The following NOVA1 variants were observed in gnomAD, a reference collection of about 807,000 sequenced individuals.
NOVA1 encodes the protein RNA-binding protein Nova-1.
NOVA1 carries 7 observed loss-of-function variants against 38.0 expected under a neutral mutation model. The observed-to-expected ratio is 0.18, with a 90% CI of 0.10 to 0.35. NOVA1 has a LOEUF of 0.35. Among genes scored for constraint, NOVA1 ranks in the 10% least tolerant of loss-of-function variants. NOVA1 has a pLI of 1.00. For missense variants in NOVA1, 460 were observed against 616.0 expected, an observed-to-expected ratio of 0.75 and a Z score of 2.68; for synonymous variants, 270 against 232.5, an observed-to-expected ratio of 1.16 and a Z score of -1.47.
intron 2 of NOVA1, among the ~76,000 whole-genome samples, chr14:26,514,027 A>C (rs1044285343): frequency 6.6e-6 from 1 of 151,794 alleles, no homozygotes; most frequent in Non-Finnish European, 1.5e-5. Context: ...AGAGAATTAA[A>C]TGTTAAAAGA....
At chr14:26,509,274 T>A (rs1375088220) in intron 2 of NOVA1, among the ~76,000 whole-genome samples, 1 of 152,058 alleles carries the variant, frequency 6.6e-6, no homozygotes, top group African/African-American at 2.4e-5. Flanking sequence ...AACCAGAGTA[T>A]GGAATAATCA....
intron 2 of NOVA1, among the ~76,000 whole-genome samples, chr14:26,591,819 T>C (rs1355196097): frequency 6.6e-6 from 1 of 151,566 alleles, no homozygotes; most frequent in Non-Finnish European, 1.5e-5. Context: ...TTTGTGTTTT[T>C]TTTAAAAAAG....
chr14:26,538,628 A>T (rs938684729), intron 2 of NOVA1, among the ~76,000 whole-genome samples: 1 of 152,130 alleles, frequency 6.6e-6, no homozygotes, highest in Non-Finnish European at 1.5e-5. Context: ...ACACCAAGAC[A>T]CCATAATTTC....
chr14:26,462,767 A>G (rs1883790857), intron 4 of NOVA1, among the ~76,000 whole-genome samples: 1 of 152,162 alleles, frequency 6.6e-6, no homozygotes, highest in South Asian at 2.1e-4. Context: ...TCAAGACGCC[A>G]AGTAGCTTTA....
intron 2 of NOVA1, among the ~76,000 whole-genome samples, chr14:26,503,663 A>T (rs1306433628): frequency 6.6e-6 from 1 of 152,124 alleles, no homozygotes; most frequent in Non-Finnish European, 1.5e-5. Context: ...CAATTAGAAA[A>T]GTATACAGTT....
chr14:26,507,412 T>TATTA (rs1409841160), intron 2 of NOVA1, among the ~76,000 whole-genome samples: 1 of 152,180 alleles, frequency 6.6e-6, no homozygotes. Flanking sequence ...CTACTTTATA[T>TATTA]ATTAATGTGG....
At chr14:26,475,658 G>A (rs1309543733) in intron 3 of NOVA1, among the ~76,000 whole-genome samples, 2 of 152,178 alleles carry the variant, frequency 1.3e-5, no homozygotes, top group Middle Eastern at 3.4e-3. Context: ...TTCTTTAGAC[G>A]CTGAAGGGTG....
At chr14:26,480,295 C>A in intron 2 of NOVA1, 152 bp from the exon 3 acceptor site, 1 of 661,310 alleles carries the variant, frequency 1.5e-6, no homozygotes, top group Non-Finnish European at 2.5e-6. Flanking sequence ...ATACATGTCT[C>A]TTCTCATGAT....
chr14:26,503,610 C>A (rs887763684), intron 2 of NOVA1, among the ~76,000 whole-genome samples: 1 of 151,742 alleles, frequency 6.6e-6, no homozygotes, highest in African/African-American at 2.4e-5. Context: ...CGTTTTTTGA[C>A]CCAGTAATCA....
intron 2 of NOVA1, chr14:26,519,586 A>G (rs1888724187): frequency 6.6e-6 from 1 of 152,178 alleles, no homozygotes; most frequent in South Asian, 2.1e-4. Flanking sequence ...AACAAGGTAA[A>G]ATAATTGAAA....
At chr14:26,564,321 A>G (rs1892001015) in intron 2 of NOVA1, among the ~76,000 whole-genome samples, 1 of 152,134 alleles carries the variant, frequency 6.6e-6, no homozygotes, top group African/African-American at 2.4e-5. Context: ...CACTATTCCA[A>G]TTGCTTTATA....
chr14:26,480,288 C>CGTAT, intron 2 of NOVA1, 145 bp from the exon 3 acceptor site: 1 of 678,958 alleles, frequency 1.5e-6, no homozygotes, highest in South Asian at 2.1e-5. Flanking sequence ...GTAATATATA[C>CGTAT]ATGTCTCTTC....
intron 2 of NOVA1, among the ~76,000 whole-genome samples, chr14:26,484,349 T>A (rs1453130086): frequency 1.5e-5 from 2 of 133,358 alleles, no homozygotes; most frequent in Non-Finnish European, 3.0e-5. Context: ...GGCAGGAGAA[T>A]GACGCGAACC....
At chr14:26,522,717 T>A (rs1888985751) in intron 2 of NOVA1, among the ~76,000 whole-genome samples, 1 of 152,112 alleles carries the variant, frequency 6.6e-6, no homozygotes, top group South Asian at 2.1e-4. Flanking sequence ...CTGACAAAAA[T>A]TCACAGAACT....
intron 2 of NOVA1, among the ~76,000 whole-genome samples, chr14:26,569,779 G>A (rs973300488): frequency 1.3e-5 from 2 of 152,098 alleles, no homozygotes; most frequent in Non-Finnish European, 2.9e-5. Flanking sequence ...ATTTCTAGTT[G>A]AAAAGAATCA....
At chr14:26,550,091 G>A (rs1380980181) in intron 2 of NOVA1, among the ~76,000 whole-genome samples, 3 of 151,922 alleles carry the variant, frequency 2.0e-5, no homozygotes, top group East Asian at 1.9e-4. Flanking sequence ...ATGTTAAAAC[G>A]TATATGTTAA....
chr14:26,484,766 AT>A (rs1194177167), intron 2 of NOVA1, among the ~76,000 whole-genome samples: 7 of 152,198 alleles, frequency 4.6e-5, no homozygotes, highest in Non-Finnish European at 1.0e-4. Context: ...CGTCAGCAGC[AT>A]TTTATGCTGT....
chr14:26,530,049 A>G (rs962690539), intron 2 of NOVA1, among the ~76,000 whole-genome samples: 1 of 152,102 alleles, frequency 6.6e-6, no homozygotes, highest in Non-Finnish European at 1.5e-5. Flanking sequence ...CCTCCCGAGT[A>G]GCTGGGACTA....
chr14:26,452,832 C>G (rs554565389), intron 4 of NOVA1, among the ~76,000 whole-genome samples: 2 of 152,092 alleles, frequency 1.3e-5, no homozygotes, highest in African/African-American at 4.8e-5. Context: ...TGGCCCAAGC[C>G]CTGTGTTGAA....
Sources: gnomAD v4.1 joint callset for allele counts (sites outside exome capture counted in the v4.1 genomes callset) on GRCh38, gnomAD v4.1.1 for gene constraint, MANE v1.5 for transcripts, NCBI Gene and HGNC (gene_info 2026-07-23, HGNC 2026-07-21) for gene names.